LTF: variants seen among roughly 807,000 people sequenced by gnomAD.
The protein encoded by LTF is epididymis luminal protein 110.
LTF carries 91 observed loss-of-function variants against 87.2 expected under a neutral mutation model. The ratio of observed to expected loss-of-function variants is 1.04; its 90% CI spans 0.88 to 1.24. LTF has a LOEUF of 1.24. LTF is among the 50% of genes most tolerant of loss of function. The pLI, the probability that LTF is intolerant of heterozygous loss-of-function variation, is 0.00. For missense variants in LTF, 901 were observed against 904.3 expected (o/e 1.00, Z 0.05); for synonymous variants, 378 against 356.1 (o/e 1.06, Z -0.69).
intron 1 of LTF, chr3:46,463,594 C>G: frequency 1.0e-6 from 1 of 985,530 alleles, no homozygotes; most frequent in Non-Finnish European, 1.2e-6. Context: ...AACTTCAGAC[C>G]TCAGTAGGCG....
At chr3:46,465,055 T>G (rs1036750493), upstream of LTF, 1 of 632,026 alleles carries the variant, frequency 1.6e-6, no homozygotes, top group Non-Finnish European at 2.8e-6. Flanking sequence ...AGGACAGGAC[T>G]CCACACCGCG....
Position 46,447,353 on chromosome 3 carries a change from T to G in LTF, c.1258A>C (p.Thr420Pro), listed in dbSNP as rs779242183. The G allele has an allele frequency of 6.2e-7, 1 of 1,614,180 alleles. No homozygotes were observed. The highest frequency in any genetic ancestry group is 8.5e-7 in the Non-Finnish European group (1 of 1,180,020). The change falls in exon 10 of 17, where the codon ACT (threonine) becomes CCT (proline). Residue 420 changes from threonine to proline, a missense_variant. Thr to Pro is a conservative substitution (Grantham distance 38). Transcript: ENST00000231751. Reference protein sequence around the residue: ...AMSLDGGYVYTAGKCGLVPVL... With the variant: ...AMSLDGGYVYPAGKCGLVPVL... ...GGCACCAAACCACATTTGCCTGCAG[T>G]GTACACATATCCTCCATCCAAACTC...
chr3:46,467,579 T>C (rs4521278), upstream of LTF, among the ~76,000 whole-genome samples: 10,891 of 151,928 alleles, frequency 0.072, 507 homozygotes, highest in Admixed American at 0.18. Flanking sequence ...ACCTGAGCAC[T>C]AGGGACAACA....
chr3:46,438,579 C>A (rs1327606818), intron 15 of LTF, among the ~76,000 whole-genome samples: 1 of 152,154 alleles, frequency 6.6e-6, no homozygotes, highest in Non-Finnish European at 1.5e-5. Context: ...ACCCTGCCTC[C>A]CTCACACAGT....
At chr3:46,445,526 A>T in intron 11 of LTF, 90 bp from the exon 12 acceptor site, 1 of 1,190,822 alleles carries the variant, frequency 8.4e-7, no homozygotes, top group Non-Finnish European at 1.2e-6. Context: ...CCCAGGCCAA[A>T]ACAGGCCAAG....
In LTF at chr3:46,445,374, C is replaced by A. The variant is rs1338487205; in HGVS notation, c.1420G>T (p.Gly474Cys). Residue 474 changes from glycine to cysteine, a missense_variant, in exon 12 of 17, where the codon GGC becomes TGC. By Grantham distance (159) the Gly-to-Cys change is radical. Coordinates refer to ENST00000231751, the MANE Select transcript of LTF (RefSeq NM_002343.6). ...DTSLTWNSVK[G>C]KKSCHTAVDR... ...ACGGCGGTGTGGCAGGACTTCTTGC[C>A]TTTCACAGAGTTCCAGGTAAGGCTA... The A allele has an allele frequency of 2.5e-6, 4 of 1,614,074 alleles. No individual in the cohort carries two copies. In the South Asian group the frequency reaches 3.3e-5, roughly 13 times the overall value.
intron 3 of LTF, 81 bp downstream of exon 3, chr3:46,456,209 A>G (rs1395593760): frequency 2.7e-5 from 33 of 1,234,518 alleles, no homozygotes; most frequent in Non-Finnish European, 3.8e-5. Context: ...CCACCTCCAC[A>G]TGTTCCCCCA....
chr3:46,484,480 C>T (rs879357349), intron 1 of LTF, among the ~76,000 whole-genome samples: 22 of 152,212 alleles, frequency 1.4e-4, no homozygotes, highest in Admixed American at 1.4e-3. Context: ...CAGCGTCAGG[C>T]CTTAGGGGCT....
Position 46,454,368 on chromosome 3 carries a change from A to G in LTF, c.648-8T>C. On this transcript the variant is annotated splice_polypyrimidine_tract_variant and splice_region_variant and intron_variant, in intron 5 of 16. Transcript: ENST00000231751. ...GCCCCGTCTCTCAGACACCTGTGAA[A>G]AGAGAAACCATCAGGGGTAAGCACA... 1 of 1,613,922 alleles carries G rather than the reference A, an allele frequency of 6.2e-7. No homozygotes were observed. The highest frequency in any genetic ancestry group is 1.1e-5 in the South Asian group (1 of 91,076).
chr3:46,474,549 C>G (rs776854454), intron 1 of LTF, among the ~76,000 whole-genome samples: 8 of 152,182 alleles, frequency 5.3e-5, no homozygotes, highest in Admixed American at 2.6e-4. Flanking sequence ...ATAGAACAGA[C>G]AGCAAATTAG....
chr3:46,439,483 G>A lies in LTF; in HGVS notation c.1724-3C>T, dbSNP rs780461964. ...AGCCCATGCCTCATTGTTATTTCCT[G>A]GGGAGAAAAAGAAGGTGGCATCATC... is the stretch of plus-strand genomic sequence containing the variant. On this transcript the variant is annotated splice_region_variant and splice_polypyrimidine_tract_variant and intron_variant, in intron 14 of 16. Coordinates refer to ENST00000231751, the MANE Select transcript of LTF (RefSeq NM_002343.6). The A allele has an allele frequency of 2.5e-6, 4 of 1,597,310 alleles. No individual in the cohort carries two copies. The highest frequency in any genetic ancestry group is 3.4e-6 in the Non-Finnish European group (4 of 1,170,040).
At chr3:46,470,246 T>C in intron 2 of LTF, 1 of 152,504 alleles carries the variant, frequency 6.6e-6, no homozygotes, top group Non-Finnish European at 1.5e-5. Context: ...GGGGAGAGCC[T>C]TCTGGGAAGG....
At position 46,482,550 on chromosome 3, in the gene LTF, G is replaced by A. The variant is rs144602390; in HGVS notation, c.-320+2436C>T. On this transcript the variant is annotated intron_variant, in intron 1 of 19. Coordinates refer to the LTF transcript ENST00000443496. ...GAAGGGAAGGGAAGGGAAGGGAAGG[G>A]AAGGGAAGGGAAGGGAAGGGAAAGG... Among the ~76,000 whole-genome samples, 33 of 95,694 alleles carry A rather than the reference G, an allele frequency of 3.4e-4. 1 individual carries two copies. Among genetic ancestry groups the A allele is most frequent in the South Asian group, 1.4e-3 (3 of 2,134 alleles). 62.8% of individuals were successfully genotyped at this position (95,694 alleles called of 152,430 possible).
At chr3:46,446,069 C>T (rs1267062652) in intron 11 of LTF, among the ~76,000 whole-genome samples, 2 of 152,132 alleles carry the variant, frequency 1.3e-5, no homozygotes, top group African/African-American at 2.4e-5. Flanking sequence ...TCCCAGGTCA[C>T]GAGGACCCGG....
At position 46,456,144 on chromosome 3, in the gene LTF, A is replaced by T. The variant is rs973048496; in HGVS notation, c.316+146T>A. The T allele has an allele frequency of 2.5e-5, 23 of 908,206 alleles. No individual in the cohort carries two copies. The African/African-American group carries it at 3.3e-4, about 13-fold the overall frequency. 56.3% of individuals were successfully genotyped at this position (908,206 alleles called of 1,614,324 possible). On this transcript the variant is annotated intron_variant, in intron 3 of 16. Coordinates refer to ENST00000231751, the MANE Select transcript of LTF (RefSeq NM_002343.6). ...GTCAGCGTCAGGAGGAACGGCCTTC[A>T]TCTGGCCCAGAGCCCAGCGACTCCA...
rs1559614928 is a variant in LTF, at chr3:46,482,703, G to GGAAGGAAA, written c.-320+2282_-320+2283insTTTCCTTC. ...AGGAAGGAAGGAAGGAAGGAAGGAA[G>GGAAGGAAA]GAAAGAAAGAAAGAGAAAGAAAGGA... is the stretch of plus-strand genomic sequence containing the variant. On this transcript the variant is annotated intron_variant, in intron 1 of 19. Coordinates refer to the LTF transcript ENST00000443496. Among the ~76,000 whole-genome samples, 215 of 92,758 alleles carry GGAAGGAAA rather than the reference G, an allele frequency of 2.3e-3. 8 individuals carry two copies. The highest frequency in any genetic ancestry group is 9.0e-3 in the African/African-American group (208 of 23,144). 60.9% of individuals were successfully genotyped at this position (92,758 alleles called of 152,430 possible).
At chr3:46,472,533 AG>A in intron 1 of LTF, among the ~76,000 whole-genome samples, 1 of 99,994 alleles carries the variant, frequency 1.0e-5, no homozygotes, top group East Asian at 3.5e-4. Context: ...TGTGTGAGAG[AG>A]AGAGAGAGAG....
intron 1 of LTF, among the ~76,000 whole-genome samples, chr3:46,472,488 TTGTGTG>T (rs34825595): frequency 0.011 from 1,136 of 106,876 alleles, 13 homozygotes; most frequent in African/African-American, 0.036. Context: ...GAAAAGATTA[TTGTGTG>T]TGTGTGTGTG....
chr3:46,472,962 C>T (rs1703313696), intron 1 of LTF, among the ~76,000 whole-genome samples: 1 of 152,290 alleles, frequency 6.6e-6, no homozygotes, highest in South Asian at 2.1e-4. Context: ...TAGGTCAATA[C>T]ATGTGTGTCC....
Sources: gnomAD v4.1 joint callset for allele counts (sites outside exome capture counted in the v4.1 genomes callset) on GRCh38, gnomAD v4.1.1 for gene constraint, MANE v1.5 for transcripts, NCBI Gene and HGNC (gene_info 2026-07-23, HGNC 2026-07-21) for gene names.